Variants in RYR2 observed in about 807,000 individuals in gnomAD.
The protein encoded by RYR2 is ryanodine receptor 2.
RYR2 carries 227 observed loss-of-function variants against 601.1 expected under a neutral mutation model. The observed-to-expected ratio is 0.38, with a 90% CI of 0.34 to 0.42. RYR2 has a LOEUF of 0.42. RYR2 is among the 10% of genes least tolerant of loss of function. RYR2 has a pLI of 1.00. For synonymous variants in RYR2, 2,223 were observed against 2,175.1 expected, an observed-to-expected ratio of 1.02 and a Z score of -0.61; for missense variants, 4,646 against 6,156.5, an observed-to-expected ratio of 0.75 and a Z score of 8.21.
At chr1:237,042,818 C>T (rs1034626795) in intron 1 of RYR2, among the ~76,000 whole-genome samples, 6 of 151,954 alleles carry the variant, frequency 3.9e-5, no homozygotes, top group African/African-American at 1.4e-4. Context: ...TAGCCGGCGG[C>T]AGGCGCCCGG....
At chr1:237,621,808 T>G (rs1679105792) in intron 38 of RYR2, among the ~76,000 whole-genome samples, 1 of 152,190 alleles carries the variant, frequency 6.6e-6, no homozygotes, top group Non-Finnish European at 1.5e-5. Context: ...ATGATTCCAT[T>G]TATGTAACAT....
chr1:237,584,649 G>GTCTTTTT (rs1674302324), intron 29 of RYR2, among the ~76,000 whole-genome samples: 1 of 72,468 alleles, frequency 1.4e-5, no homozygotes, highest in Non-Finnish European at 2.5e-5. Context: ...CTCACCACCT[G>GTCTTTTT]TTTTTTTTTT....
chr1:237,377,405 C>A lies in RYR2; in HGVS notation c.546C>A (p.Ile182=), dbSNP rs1361944328. The A allele has an allele frequency of 1.2e-6, 2 of 1,613,540 alleles. No homozygotes were observed. The highest frequency in any genetic ancestry group is 2.7e-5 in the African/African-American group (2 of 74,916). ...GEKVRVGDDL[I]LVSVSSERYL... is the part of the protein sequence containing the mutation. ...AAGTACGAGTTGGAGATGACCTCAT[C>A]TTAGTTAGCGTGTCCTCTGAAAGGT... Residue 182 remains isoleucine, a synonymous_variant, in exon 8 of 105, where the codon ATC becomes ATA. Coordinates refer to ENST00000366574, the MANE Select transcript of RYR2 (RefSeq NM_001035.3).
chr1:237,833,915 G>A lies in RYR2; in HGVS notation c.*1268G>A, dbSNP rs1231042485. The A allele has an allele frequency of 1.3e-5, 2 of 152,434 alleles. No individual in the cohort carries two copies. Among genetic ancestry groups the A allele is most frequent in the Non-Finnish European group, 2.9e-5 (2 of 68,012 alleles). The allele number at this position is 152,434 out of a possible 1,614,324, so 9.4% of individuals were successfully genotyped here. On this transcript the variant is annotated 3_prime_UTR_variant, in exon 105 of 105. Transcript: ENST00000366574. ...GAAACAAGGTCATTTTGCAAACATT[G>A]GAGCTCTTTTATTACAAGTCTGCTT...
In RYR2 at chr1:237,601,996, CATT is replaced by C. The variant is rs762180717; in HGVS notation, c.4597-24_4597-22del. On this transcript the variant is annotated intron_variant, in intron 34 of 104. Coordinates refer to ENST00000366574, the MANE Select transcript of RYR2 (RefSeq NM_001035.3). Reference sequence around the variant, plus strand: ...TTCCCTTGTCTTGTTTCATTACTAACATTATTAAATTCATTAAATGTATTTCAG... The same window carrying C: ...TTCCCTTGTCTTGTTTCATTACTAACATTAAATTCATTAAATGTATTTCAG... 1.9e-6 allele frequency: 3 copies of C among 1,578,960 alleles called. No homozygotes were observed. In the Admixed American group the frequency reaches 5.2e-5, roughly 27 times the overall value.
intron 70 of RYR2, among the ~76,000 whole-genome samples, chr1:237,710,742 GC>G (rs1290339602): frequency 8.3e-6 from 1 of 120,516 alleles, no homozygotes; most frequent in Non-Finnish European, 1.9e-5. Context: ...ACAGGTGGGA[GC>G]ATTGCTTGAG....
At chr1:237,162,564 C>T (rs529564527) in intron 1 of RYR2, among the ~76,000 whole-genome samples, 85 of 152,020 alleles carry the variant, frequency 5.6e-4, no homozygotes, top group Non-Finnish European at 1.0e-3. Flanking sequence ...AAACTTTCAG[C>T]TAATGTTCAT....
At position 237,582,487 on chromosome 1, in the gene RYR2, G is replaced by A. The variant is rs913284404; in HGVS notation, c.3599-7306G>A. On this transcript the variant is annotated intron_variant, in intron 29 of 104. Coordinates refer to ENST00000366574, the MANE Select transcript of RYR2 (RefSeq NM_001035.3). ...CTATATGTTCAGGTTTGTTGCCTGGGTATATAGTGTTATGCTGAGGTTTGT... is the reference window on the plus strand; with the variant it reads ...CTATATGTTCAGGTTTGTTGCCTGGATATATAGTGTTATGCTGAGGTTTGT... 2.8e-4 allele frequency among the ~76,000 whole-genome samples: 43 copies of A among 151,834 alleles called. 1 individual carries two copies. Among genetic ancestry groups the A allele is most frequent in the Admixed American group, 2.8e-3 (43 of 15,246 alleles).
chr1:237,393,243 G>C (rs1286985671), intron 10 of RYR2, among the ~76,000 whole-genome samples: 1 of 152,168 alleles, frequency 6.6e-6, no homozygotes, highest in Non-Finnish European at 1.5e-5. Flanking sequence ...TTAAGTCATA[G>C]TTTCTGACAG....
intron 5 of RYR2, among the ~76,000 whole-genome samples, chr1:237,367,515 A>G (rs563458976): frequency 3.8e-4 from 58 of 152,364 alleles, no homozygotes; most frequent in African/African-American, 1.3e-3. Flanking sequence ...ATATGGAACA[A>G]CAAGAATGTG....
intron 80 of RYR2, among the ~76,000 whole-genome samples, chr1:237,751,836 G>A (rs937698637): frequency 1.3e-5 from 2 of 152,014 alleles, no homozygotes; most frequent in African/African-American, 4.8e-5. Flanking sequence ...TAAAGAGAGT[G>A]GATAATGATG....
chr1:237,191,124 G>A (rs4659774), intron 1 of RYR2, among the ~76,000 whole-genome samples: 80,788 of 151,958 alleles, frequency 0.53, 22,958 homozygotes, highest in African/African-American at 0.75. Context: ...TCATTATTTT[G>A]TTTGTGGATA....
intron 71 of RYR2, among the ~76,000 whole-genome samples, chr1:237,714,441 G>A (rs1689091468): frequency 1.3e-5 from 2 of 152,130 alleles, no homozygotes; most frequent in Non-Finnish European, 2.9e-5. Context: ...TTCTAGATGG[G>A]TCATAAGGAG....
chr1:237,349,935 G>A (rs1426365235), intron 3 of RYR2, among the ~76,000 whole-genome samples: 1 of 152,044 alleles, frequency 6.6e-6, no homozygotes, highest in East Asian at 1.9e-4. Flanking sequence ...ATACCAAAAA[G>A]CATTGAAATT....
chr1:237,715,052 C>T (rs548348675), intron 71 of RYR2, among the ~76,000 whole-genome samples: 16 of 144,826 alleles, frequency 1.1e-4, no homozygotes, highest in Admixed American at 6.3e-4. Context: ...TAAGAAAGGG[C>T]TCAGGTTAGT....
At chr1:237,788,807 A>G (rs1423916672) in intron 92 of RYR2, among the ~76,000 whole-genome samples, 1 of 152,016 alleles carries the variant, frequency 6.6e-6, no homozygotes, top group Non-Finnish European at 1.5e-5. Flanking sequence ...AACAAAAGGT[A>G]TAGCTCTCTC....
intron 51 of RYR2, among the ~76,000 whole-genome samples, chr1:237,652,578 TTCTC>T (rs1682871490): frequency 6.6e-6 from 1 of 152,202 alleles, no homozygotes; most frequent in Non-Finnish European, 1.5e-5. Context: ...AAAGTAATCT[TTCTC>T]TATGAAAATT....
At chr1:237,162,459 C>T (rs766697779) in intron 1 of RYR2, among the ~76,000 whole-genome samples, 9 of 151,900 alleles carry the variant, frequency 5.9e-5, no homozygotes, top group Non-Finnish European at 1.2e-4. Context: ...TTAACATTTT[C>T]CACAACTTTT....
chr1:237,379,255 T>A (rs140404154), intron 8 of RYR2, among the ~76,000 whole-genome samples: 1 of 152,330 alleles, frequency 6.6e-6, no homozygotes, highest in African/African-American at 2.4e-5. Flanking sequence ...GTACTTCCGC[T>A]ACGTATCAGA....
Sources: gnomAD v4.1 joint callset for allele counts (sites outside exome capture counted in the v4.1 genomes callset) on GRCh38, gnomAD v4.1.1 for gene constraint, MANE v1.5 for transcripts, NCBI Gene and HGNC (gene_info 2026-07-23, HGNC 2026-07-21) for gene names.